The following MYO3B variants were observed in gnomAD, a reference collection of about 807,000 sequenced individuals.
MYO3B encodes the protein myosin-IIIb.
A neutral mutation model predicts 174.6 loss-of-function variants in MYO3B; 156 were observed. The observed-to-expected ratio is 0.89, with a 90% CI of 0.78 to 1.02. The LOEUF (loss-of-function observed/expected upper bound fraction) is 1.02. Among genes scored for constraint, MYO3B ranks in the 50% least tolerant of loss-of-function variants. MYO3B has a pLI of 0.00. For synonymous variants in MYO3B, 563 were observed against 569.1 expected, an observed-to-expected ratio of 0.99 and a Z score of 0.15; for missense variants, 1,632 against 1,639.4, an observed-to-expected ratio of 1.00 and a Z score of 0.08.
At chr2:170,326,132 CT>C (rs1039421690) in intron 7 of MYO3B, among the ~76,000 whole-genome samples, 3,551 of 141,848 alleles carry the variant, frequency 0.025, 107 homozygotes, top group African/African-American at 0.073. Flanking sequence ...ACATATAAAG[CT>C]TTTTTTTTTT....
At chr2:170,191,128 A>C (rs2092535261) in intron 1 of MYO3B, among the ~76,000 whole-genome samples, 1 of 151,664 alleles carries the variant, frequency 6.6e-6, no homozygotes, top group Non-Finnish European at 1.5e-5. Context: ...GTGTGTCTAG[A>C]AATGTCGTAG....
At chr2:170,534,584 T>A (rs1185180324) in intron 30 of MYO3B, among the ~76,000 whole-genome samples, 1 of 152,150 alleles carries the variant, frequency 6.6e-6, no homozygotes, top group Non-Finnish European at 1.5e-5. Context: ...TAGCTGGGAC[T>A]ACAGATGTGC....
At chr2:170,477,950 G>A (rs4667641) in intron 25 of MYO3B, among the ~76,000 whole-genome samples, 124,923 of 152,026 alleles carry the variant, frequency 0.82, 51,546 homozygotes, top group South Asian at 0.93. Flanking sequence ...CCTTTTGGCC[G>A]GCTTTAGTGT....
At chr2:170,579,135 T>C (rs1692974468) in intron 32 of MYO3B, among the ~76,000 whole-genome samples, 1 of 152,218 alleles carries the variant, frequency 6.6e-6, no homozygotes, top group African/African-American at 2.4e-5. Flanking sequence ...AGCAAAGAAC[T>C]GCAGAATCAG....
intron 7 of MYO3B, among the ~76,000 whole-genome samples, chr2:170,274,179 A>T (rs1360114004): frequency 1.3e-5 from 2 of 152,036 alleles, no homozygotes; most frequent in African/African-American, 4.8e-5. Context: ...AGAGAGAGAG[A>T]CACTGAGAGA....
intron 8 of MYO3B, among the ~76,000 whole-genome samples, chr2:170,361,900 A>T (rs1405034901): frequency 1.3e-5 from 2 of 152,142 alleles, no homozygotes; most frequent in Non-Finnish European, 2.9e-5. Flanking sequence ...TTGTTACCAC[A>T]TCTCCTTCCC....
intron 8 of MYO3B, among the ~76,000 whole-genome samples, chr2:170,357,377 G>GTATTATA (rs201859884): frequency 0.089 from 13,133 of 146,852 alleles, 605 homozygotes; most frequent in Middle Eastern, 0.12. Flanking sequence ...ATTTATATGT[G>GTATTATA]TATTATATAT....
intron 30 of MYO3B, among the ~76,000 whole-genome samples, chr2:170,528,358 G>A (rs946381424): frequency 1.3e-5 from 2 of 152,160 alleles, no homozygotes; most frequent in African/African-American, 4.8e-5. Context: ...TTTGACTTGG[G>A]TTTTCTTATA....
intron 16 of MYO3B, among the ~76,000 whole-genome samples, chr2:170,398,817 C>A (rs1270164932): frequency 6.6e-6 from 1 of 152,200 alleles, no homozygotes; most frequent in Non-Finnish European, 1.5e-5. Flanking sequence ...TCGAGTCCTG[C>A]AGTCAGGACA....
At chr2:170,339,407 T>G (rs1473648614) in intron 8 of MYO3B, among the ~76,000 whole-genome samples, 1 of 152,210 alleles carries the variant, frequency 6.6e-6, no homozygotes, top group African/African-American at 2.4e-5. Context: ...CTAGGTCTTT[T>G]TTAGTCCATG....
intron 32 of MYO3B, among the ~76,000 whole-genome samples, chr2:170,550,777 C>A (rs1011633161): frequency 6.6e-6 from 1 of 152,128 alleles, no homozygotes; most frequent in Admixed American, 6.5e-5. Flanking sequence ...GGGAAGTTGT[C>A]AAGAACAAAG....
At chr2:170,374,202 T>G (rs542039344) in intron 9 of MYO3B, among the ~76,000 whole-genome samples, 2 of 152,268 alleles carry the variant, frequency 1.3e-5, no homozygotes, top group African/African-American at 2.4e-5. Context: ...GAGACTGACT[T>G]CAGTGGACAT....
chr2:170,476,306 G>A (rs1685317801), intron 25 of MYO3B, among the ~76,000 whole-genome samples: 1 of 92,398 alleles, frequency 1.1e-5, no homozygotes, highest in Admixed American at 1.0e-4. Flanking sequence ...TCCGCAGATG[G>A]CTTAAGTGTT....
At chr2:170,438,610 A>G (rs1279121331) in intron 22 of MYO3B, among the ~76,000 whole-genome samples, 1 of 151,882 alleles carries the variant, frequency 6.6e-6, no homozygotes, top group Non-Finnish European at 1.5e-5. Flanking sequence ...TTCTTTGATG[A>G]TGACCATCTT....
At chr2:170,458,856 C>A (rs563157466) in intron 23 of MYO3B, among the ~76,000 whole-genome samples, 116 of 152,286 alleles carry the variant, frequency 7.6e-4, no homozygotes, top group Admixed American at 2.0e-3. Context: ...CAACCGAAGA[C>A]CTTTTTAAAT....
At chr2:170,338,827 T>C (rs1438018583) in intron 8 of MYO3B, among the ~76,000 whole-genome samples, 4 of 152,142 alleles carry the variant, frequency 2.6e-5, no homozygotes, top group East Asian at 1.9e-4. Flanking sequence ...AGTCTCGAAC[T>C]CCTGACCTCA....
intron 7 of MYO3B, among the ~76,000 whole-genome samples, chr2:170,309,926 T>G (rs973196891): frequency 6.6e-6 from 1 of 152,212 alleles, no homozygotes; most frequent in African/African-American, 2.4e-5. Flanking sequence ...CCATTCCCTA[T>G]TTCTCCCAGA....
chr2:170,246,746 G>A (rs978197470), intron 7 of MYO3B, among the ~76,000 whole-genome samples: 6 of 152,140 alleles, frequency 3.9e-5, no homozygotes, highest in African/African-American at 1.4e-4. Context: ...GGTTTGTGGT[G>A]CTTTCTTATG....
intron 22 of MYO3B, among the ~76,000 whole-genome samples, chr2:170,431,333 C>G (rs1215652489): frequency 6.6e-6 from 1 of 152,194 alleles, no homozygotes. Context: ...AACAGAGCAA[C>G]TCCACTATTG....
Sources: gnomAD v4.1 joint callset for allele counts (sites outside exome capture counted in the v4.1 genomes callset) on GRCh38, gnomAD v4.1.1 for gene constraint, MANE v1.5 for transcripts, NCBI Gene and HGNC (gene_info 2026-07-23, HGNC 2026-07-21) for gene names.